NRG1: variants seen among roughly 807,000 people sequenced by gnomAD.
NRG1 encodes the protein pro-neuregulin-1, membrane-bound isoform.
A neutral mutation model predicts 63.8 loss-of-function variants in NRG1; 18 were observed. The observed-to-expected ratio is 0.28, with a 90% CI of 0.19 to 0.42. The LOEUF (loss-of-function observed/expected upper bound fraction) is 0.42. Among genes scored for constraint, NRG1 ranks in the 10% least tolerant of loss-of-function variants. NRG1 has a pLI of 1.00. For missense variants in NRG1, 762 were observed against 814.7 expected, an observed-to-expected ratio of 0.94 and a Z score of 0.79; for synonymous variants, 302 against 301.3, an observed-to-expected ratio of 1.00 and a Z score of -0.02.
chr8:32,425,682 A>G (rs186929229), intron 1 of NRG1, among the ~76,000 whole-genome samples: 1 of 152,326 alleles, frequency 6.6e-6, no homozygotes, highest in East Asian at 1.9e-4. Context: ...CTTTGCAGGA[A>G]AAAACTTGTT....
chr8:32,104,199 C>T (rs1258564679), intron 1 of NRG1, among the ~76,000 whole-genome samples: 6 of 152,194 alleles, frequency 3.9e-5, no homozygotes, highest in Non-Finnish European at 8.8e-5. Context: ...TCCTAGGCTA[C>T]AAATCTGTAC....
intron 1 of NRG1, among the ~76,000 whole-genome samples, chr8:32,426,681 C>T (rs1355373655): frequency 6.6e-6 from 1 of 152,156 alleles, no homozygotes; most frequent in Non-Finnish European, 1.5e-5. Flanking sequence ...TTCCTTCTAA[C>T]CTTGTCTATA....
intron 1 of NRG1, among the ~76,000 whole-genome samples, chr8:32,176,873 G>A (rs1425772940): frequency 6.6e-6 from 1 of 152,140 alleles, no homozygotes; most frequent in African/African-American, 2.4e-5. Context: ...CTTTTACACT[G>A]TTGGTGGGAC....
At chr8:32,140,948 T>C (rs1836171670) in intron 1 of NRG1, among the ~76,000 whole-genome samples, 2 of 152,108 alleles carry the variant, frequency 1.3e-5, no homozygotes, top group Admixed American at 1.3e-4. Context: ...CTTCTCTCTC[T>C]CTCTCTCTCG....
At chr8:32,431,522 T>G (rs1818152248) in intron 1 of NRG1, among the ~76,000 whole-genome samples, 1 of 152,102 alleles carries the variant, frequency 6.6e-6, no homozygotes, top group Non-Finnish European at 1.5e-5. Context: ...GTACCAAACC[T>G]GTCACCCCTC....
At chr8:32,538,923 C>T (rs1563603198) in intron 1 of NRG1, among the ~76,000 whole-genome samples, 1 of 152,116 alleles carries the variant, frequency 6.6e-6, no homozygotes, top group Non-Finnish European at 1.5e-5. Context: ...ACACATATTC[C>T]ACAGTCACTG....
chr8:32,245,267 G>T (rs918351398), intron 1 of NRG1, among the ~76,000 whole-genome samples: 1 of 152,150 alleles, frequency 6.6e-6, no homozygotes, highest in Non-Finnish European at 1.5e-5. Context: ...TGGGCAATCA[G>T]ATGTTATTTT....
chr8:31,706,231 T>G (rs930663951), intron 1 of NRG1, among the ~76,000 whole-genome samples: 1 of 151,968 alleles, frequency 6.6e-6, no homozygotes, highest in Admixed American at 6.6e-5. Flanking sequence ...CCTTCCAGAG[T>G]TTTTTCTGCA....
chr8:32,186,460 C>CA (rs748750103), intron 1 of NRG1, among the ~76,000 whole-genome samples: 3,785 of 50,632 alleles, frequency 0.075, 96 homozygotes, highest in African/African-American at 0.14. Flanking sequence ...GACTCCGTCT[C>CA]AAAAAAAAAA....
At chr8:31,901,201 A>T (rs759521189) in intron 1 of NRG1, among the ~76,000 whole-genome samples, 1 of 152,212 alleles carries the variant, frequency 6.6e-6, no homozygotes, top group Non-Finnish European at 1.5e-5. Context: ...GAACATTTAG[A>T]GTTCACTATG....
chr8:32,245,967 T>C (rs1848558273), intron 1 of NRG1, among the ~76,000 whole-genome samples: 1 of 152,154 alleles, frequency 6.6e-6, no homozygotes, highest in African/African-American at 2.4e-5. Flanking sequence ...CCTGTAAATT[T>C]GGGCACCTCA....
chr8:32,166,934 A>G (rs545275007), intron 1 of NRG1, among the ~76,000 whole-genome samples: 14 of 152,336 alleles, frequency 9.2e-5, no homozygotes, highest in African/African-American at 3.4e-4. Context: ...ACCATTCAAA[A>G]TGGACATTAA....
At chr8:32,021,675 C>A (rs923181165) in intron 1 of NRG1, among the ~76,000 whole-genome samples, 1 of 151,122 alleles carries the variant, frequency 6.6e-6, no homozygotes, top group African/African-American at 2.4e-5. Flanking sequence ...TGAGACATAG[C>A]ACAACACTTA....
At chr8:32,505,336 C>T (rs1828388581) in intron 1 of NRG1, among the ~76,000 whole-genome samples, 1 of 152,140 alleles carries the variant, frequency 6.6e-6, no homozygotes, top group African/African-American at 2.4e-5. Context: ...ACTTGATCCT[C>T]CCATAGGTAG....
rs537917484 is a variant in NRG1, at chr8:31,640,459, C to T, written c.37+1028C>T. On this transcript the variant is annotated intron_variant, in intron 1 of 10. Coordinates refer to the NRG1 transcript ENST00000519301. This position sits in a 1 kb window ranked among gnomAD's most constrained non-coding sequence, Gnocchi z 6.3. The stretch of plus-strand genomic sequence containing the variant: ...CGCCGGCGAGCCCGGGGAGGAGGCG[C>T]CCTATCTGGTGAAGGTGCACCAGGT... The T allele has an allele frequency of 5.7e-6, 9 of 1,574,224 alleles. No homozygotes were observed. In the East Asian group the frequency reaches 2.2e-4, roughly 38 times the overall value.
intron 1 of NRG1, among the ~76,000 whole-genome samples, chr8:31,970,981 T>C (rs1008815556): frequency 1.3e-5 from 2 of 151,864 alleles, no homozygotes; most frequent in African/African-American, 4.8e-5. Context: ...GAGGCGGAGC[T>C]TGCAGTGAGC....
At chr8:32,333,684 A>G (rs990560045) in intron 1 of NRG1, among the ~76,000 whole-genome samples, 1 of 152,168 alleles carries the variant, frequency 6.6e-6, no homozygotes, top group South Asian at 2.1e-4. Flanking sequence ...ATAACTAATT[A>G]TTGTTCCAAA....
chr8:32,176,989 A>G (rs1019300348), intron 1 of NRG1, among the ~76,000 whole-genome samples: 2 of 152,220 alleles, frequency 1.3e-5, no homozygotes, highest in Admixed American at 6.5e-5. Context: ...TATATTCCCA[A>G]AGGATTATAA....
chr8:32,762,180 G>T (rs1243493801), intron 11 of NRG1, among the ~76,000 whole-genome samples: 1 of 151,772 alleles, frequency 6.6e-6, no homozygotes, highest in Non-Finnish European at 1.5e-5. Context: ...CTATGAAAAA[G>T]TAGGCAGGGT....
Sources: gnomAD v4.1 joint callset for allele counts (sites outside exome capture counted in the v4.1 genomes callset) on GRCh38, gnomAD v4.1.1 for gene constraint, Gnocchi (gnomAD v3.1) non-coding constraint, MANE v1.5 for transcripts, NCBI Gene and HGNC (gene_info 2026-07-23, HGNC 2026-07-21) for gene names.